CTNNA2: variants seen among roughly 807,000 people sequenced by gnomAD.
CTNNA2 encodes the protein catenin alpha-2.
A neutral mutation model predicts 101.0 loss-of-function variants in CTNNA2; 42 were observed. The observed-to-expected ratio is 0.42, with a 90% CI of 0.32 to 0.54. The LOEUF (loss-of-function observed/expected upper bound fraction) is 0.54, where lower values mean the gene tolerates loss of function less well. Among genes scored for constraint, CTNNA2 ranks in the 20% least tolerant of loss-of-function variants. CTNNA2 has a pLI of 0.14. For synonymous variants in CTNNA2, 450 were observed against 456.4 expected, an observed-to-expected ratio of 0.99 and a Z score of 0.18; for missense variants, 871 against 1,223.1, an observed-to-expected ratio of 0.71 and a Z score of 4.29.
chr2:79,594,958 AT>A (rs142430414), intron 1 of CTNNA2, among the ~76,000 whole-genome samples: 9 of 149,404 alleles, frequency 6.0e-5, no homozygotes, highest in Middle Eastern at 3.5e-3. Flanking sequence ...TCTTATATAG[AT>A]TTTTTTTTTG....
At chr2:79,525,951 A>G (rs1020831330) in intron 1 of CTNNA2, among the ~76,000 whole-genome samples, 1 of 152,008 alleles carries the variant, frequency 6.6e-6, no homozygotes, top group African/African-American at 2.4e-5. Context: ...TGTCTATATG[A>G]TGAAATTTTC....
intron 3 of CTNNA2, among the ~76,000 whole-genome samples, chr2:79,814,539 A>G (rs945438629): frequency 6.6e-6 from 1 of 151,870 alleles, no homozygotes; most frequent in Non-Finnish European, 1.5e-5. Context: ...AATTTCTTCC[A>G]GCTCACTGCA....
Position 79,679,628 on chromosome 2 carries a change from C to T in CTNNA2, c.102+27970C>T, listed in dbSNP as rs142208433. On this transcript the variant is annotated intron_variant, in intron 2 of 18. Coordinates refer to ENST00000402739, the MANE Select transcript of CTNNA2 (RefSeq NM_001282597.3). ...GTTTCTGTTCCATGGCAGCTGACACCGCCCAGGGGAGTTAGGGTGAACGTT... is the reference window on the plus strand; with the variant it reads ...GTTTCTGTTCCATGGCAGCTGACACTGCCCAGGGGAGTTAGGGTGAACGTT... Among the ~76,000 whole-genome samples the T allele has an allele frequency of 2.9e-3, 442 of 152,170 alleles. 2 individuals are homozygous for T. The highest frequency in any genetic ancestry group is 6.9e-3 in the African/African-American group (286 of 41,528).
intron 7 of CTNNA2, among the ~76,000 whole-genome samples, chr2:80,139,530 AC>A (rs1702881918): frequency 6.6e-6 from 1 of 151,970 alleles, no homozygotes; most frequent in East Asian, 1.9e-4. Context: ...TACAGTTTTC[AC>A]CCCCTCTTAT....
At chr2:80,035,231 A>G (rs571430888) in intron 7 of CTNNA2, among the ~76,000 whole-genome samples, 81 of 152,306 alleles carry the variant, frequency 5.3e-4, no homozygotes, top group Non-Finnish European at 5.9e-5. Flanking sequence ...ATAGTAACAT[A>G]TGTTCATACT....
At chr2:79,961,172 T>G (rs756085365) in intron 7 of CTNNA2, among the ~76,000 whole-genome samples, 1 of 152,210 alleles carries the variant, frequency 6.6e-6, no homozygotes, top group African/African-American at 2.4e-5. Flanking sequence ...TTTCTTTGTG[T>G]GAGTTGCAGG....
At chr2:80,575,065 T>G (rs916827206) in intron 13 of CTNNA2, 1 of 152,202 alleles carries the variant, frequency 6.6e-6, no homozygotes, top group East Asian at 1.9e-4. Context: ...AAGATGACTT[T>G]TTTCTCCTTA....
chr2:79,954,762 T>C (rs1390146978), intron 7 of CTNNA2, among the ~76,000 whole-genome samples: 1 of 152,206 alleles, frequency 6.6e-6, no homozygotes, highest in Non-Finnish European at 1.5e-5. Flanking sequence ...GCAAAGTATA[T>C]GCCAGGTTTT....
chr2:80,254,802 G>A (rs1464853884), intron 7 of CTNNA2, among the ~76,000 whole-genome samples: 1 of 152,144 alleles, frequency 6.6e-6, no homozygotes, highest in Non-Finnish European at 1.5e-5. Context: ...TACTAAGTTT[G>A]AGGAAATTCC....
chr2:80,415,873 A>G (rs1226023585), intron 8 of CTNNA2, among the ~76,000 whole-genome samples: 1 of 152,172 alleles, frequency 6.6e-6, no homozygotes, highest in Non-Finnish European at 1.5e-5. Flanking sequence ...AAAAATAGAA[A>G]TATTTTATAT....
At chr2:80,177,279 G>A (rs964450460) in intron 7 of CTNNA2, among the ~76,000 whole-genome samples, 1 of 152,116 alleles carries the variant, frequency 6.6e-6, no homozygotes, top group Non-Finnish European at 1.5e-5. Flanking sequence ...TGGTAGTCTC[G>A]GCAGAAGCAT....
At chr2:79,963,752 T>C (rs1689829030) in intron 7 of CTNNA2, among the ~76,000 whole-genome samples, 1 of 152,198 alleles carries the variant, frequency 6.6e-6, no homozygotes, top group Non-Finnish European at 1.5e-5. Context: ...GTTTCCCTTG[T>C]GATTGAGTCA....
rs1691910409 is a variant in CTNNA2, at chr2:80,544,966, A to G, written c.1291-16A>G. Reference sequence around the variant, plus strand: ...TTGCCCCAACCTAATATTCACTAAAATCCTCTTCAATACAGGTTGCCAATT... The same window carrying G: ...TTGCCCCAACCTAATATTCACTAAAGTCCTCTTCAATACAGGTTGCCAATT... On this transcript the variant is annotated splice_polypyrimidine_tract_variant and intron_variant, in intron 9 of 18. Coordinates refer to ENST00000402739, the MANE Select transcript of CTNNA2 (RefSeq NM_001282597.3). 4 of 1,611,748 alleles carry G rather than the reference A, an allele frequency of 2.5e-6. No homozygotes were observed. Among genetic ancestry groups the G allele is most frequent in the Non-Finnish European group, 2.5e-6 (3 of 1,178,382 alleles).
chr2:79,660,049 T>G (rs1681912730), intron 2 of CTNNA2, among the ~76,000 whole-genome samples: 1 of 152,080 alleles, frequency 6.6e-6, no homozygotes, highest in Non-Finnish European at 1.5e-5. Flanking sequence ...TATCATAAGT[T>G]TATTGAAAAC....
At chr2:79,752,525 T>C (rs1302077125) in intron 3 of CTNNA2, among the ~76,000 whole-genome samples, 1 of 152,208 alleles carries the variant, frequency 6.6e-6, no homozygotes, top group Non-Finnish European at 1.5e-5. Context: ...ACAGAAAAGA[T>C]GTTGAAATAA....
chr2:80,562,108 C>A (rs181466841), intron 12 of CTNNA2, among the ~76,000 whole-genome samples: 23 of 136,428 alleles, frequency 1.7e-4, no homozygotes, highest in Middle Eastern at 4.3e-3. Flanking sequence ...GTCTATAAAT[C>A]TCTCTCCAGG....
intron 9 of CTNNA2, among the ~76,000 whole-genome samples, chr2:80,535,386 T>C (rs1253744176): frequency 6.6e-6 from 1 of 152,198 alleles, no homozygotes; most frequent in Non-Finnish European, 1.5e-5. Flanking sequence ...TTCAATAAAT[T>C]GCATCTTATG....
intron 8 of CTNNA2, among the ~76,000 whole-genome samples, chr2:80,408,476 G>A (rs1679263818): frequency 6.6e-6 from 1 of 152,154 alleles, no homozygotes; most frequent in Non-Finnish European, 1.5e-5. Context: ...CAATTAAATT[G>A]TGAGGGGATT....
chr2:80,039,733 A>T (rs891444393), intron 7 of CTNNA2, among the ~76,000 whole-genome samples: 1 of 152,210 alleles, frequency 6.6e-6, no homozygotes, highest in Non-Finnish European at 1.5e-5. Flanking sequence ...CTTCTCTGCC[A>T]GGAAGATACA....
Sources: allele counts gnomAD v4.1 joint callset (sites outside exome capture counted in the v4.1 genomes callset), GRCh38; gene constraint gnomAD v4.1.1; transcripts MANE v1.5; gene names NCBI Gene and HGNC (gene_info 2026-07-23, HGNC 2026-07-21).